AK5: variants seen among roughly 807,000 people sequenced by gnomAD.
The protein encoded by AK5 is adenylate kinase isoenzyme 5.
In AK5, 27 loss-of-function variants were observed where a neutral mutation model predicts 69.5. The observed-to-expected ratio is 0.39, with a 90% CI of 0.29 to 0.54. The LOEUF (loss-of-function observed/expected upper bound fraction) is 0.54. Ranked by LOEUF, AK5 falls within the 20% of genes least tolerant of loss-of-function variation. The pLI, the probability that AK5 is intolerant of heterozygous loss-of-function variation, is 0.71. For synonymous variants in AK5, 260 were observed against 244.4 expected (o/e 1.06, Z -0.60); for missense variants, 531 against 700.4 (o/e 0.76, Z 2.73).
intron 12 of AK5, among the ~76,000 whole-genome samples, chr1:77,531,314 C>A (rs1658567444): frequency 6.6e-6 from 1 of 152,174 alleles, no homozygotes; most frequent in Admixed American, 6.5e-5. Context: ...GGACGGGGAC[C>A]CCAGCGGGTT....
At position 77,382,636 on chromosome 1, in the gene AK5, C is replaced by T. The variant is rs997151336; in HGVS notation, c.892-28345C>T. Among the ~76,000 whole-genome samples, 26 of 152,190 alleles carry T rather than the reference C, an allele frequency of 1.7e-4. 1 individual carries two copies. Among genetic ancestry groups the T allele is most frequent in the African/African-American group, 6.0e-4 (25 of 41,448 alleles). On this transcript the variant is annotated intron_variant, in intron 6 of 13. Transcript: ENST00000354567. Reference sequence around the variant, plus strand: ...AAGTGTTGATATTACAGGCATAAGCCAGTGCGCCCAGCCTAGAACACATTT... The same window carrying T: ...AAGTGTTGATATTACAGGCATAAGCTAGTGCGCCCAGCCTAGAACACATTT...
chr1:77,448,272 C>G (rs1317042257), intron 8 of AK5, among the ~76,000 whole-genome samples: 1 of 152,212 alleles, frequency 6.6e-6, no homozygotes, highest in African/African-American at 2.4e-5. Flanking sequence ...CAGGCCCATC[C>G]ATGGCTTCCC....
rs1190930013 is a variant in AK5, at chr1:77,483,319, T to A, written c.1062T>A (p.Gly354=). The A allele has an allele frequency of 1.2e-6, 2 of 1,610,266 alleles. No individual in the cohort carries two copies. The highest frequency in any genetic ancestry group is 1.7e-6 in the Non-Finnish European group (2 of 1,176,548). ...TAATATTGTGATTTTTTTAACAGGGTGATGACCAGTTAAATGTATTTGGAG... is the reference window on the plus strand; with the variant it reads ...TAATATTGTGATTTTTTTAACAGGGAGATGACCAGTTAAATGTATTTGGAG... The part of the protein sequence containing the change: ...IDTGSDYEDQ[G]DDQLNVFGED... Residue 354 remains glycine, a splice_region_variant and synonymous_variant, in exon 9 of 14, where the codon GGT becomes GGA. Transcript: ENST00000354567.
At chr1:77,506,627 G>A (rs372562388) in intron 10 of AK5, among the ~76,000 whole-genome samples, 1 of 152,146 alleles carries the variant, frequency 6.6e-6, no homozygotes, top group South Asian at 2.1e-4. Flanking sequence ...GCTATGGTGG[G>A]TGTTGGCTGA....
intron 5 of AK5, among the ~76,000 whole-genome samples, chr1:77,324,152 T>C (rs1487719478): frequency 6.6e-6 from 1 of 152,154 alleles, no homozygotes; most frequent in Non-Finnish European, 1.5e-5. Flanking sequence ...AATGAGAAAG[T>C]AGGGTGAAGA....
At chr1:77,516,445 G>C (rs1657648978) in intron 10 of AK5, among the ~76,000 whole-genome samples, 1 of 152,004 alleles carries the variant, frequency 6.6e-6, no homozygotes, top group Non-Finnish European at 1.5e-5. Flanking sequence ...AAAAGATTAT[G>C]TGAGGTGGAG....
chr1:77,435,374 G>T (rs1342235058), intron 8 of AK5, among the ~76,000 whole-genome samples: 2 of 152,174 alleles, frequency 1.3e-5, no homozygotes, highest in Non-Finnish European at 2.9e-5. Flanking sequence ...CAGAGGCTGG[G>T]CATGGTGGCT....
chr1:77,383,750 G>A (rs191117968), intron 6 of AK5, among the ~76,000 whole-genome samples: 150 of 152,164 alleles, frequency 9.9e-4, no homozygotes, highest in African/African-American at 3.2e-3. Flanking sequence ...ATGAAATATA[G>A]AGATATGTTA....
chr1:77,556,419 T>G (rs1192347973), intron 13 of AK5, among the ~76,000 whole-genome samples: 1 of 152,268 alleles, frequency 6.6e-6, no homozygotes, highest in African/African-American at 2.4e-5. Flanking sequence ...TGAGACTGGC[T>G]TGTGTCTCTC....
chr1:77,519,374 A>G (rs1283820479), intron 11 of AK5, among the ~76,000 whole-genome samples: 3 of 152,100 alleles, frequency 2.0e-5, no homozygotes, highest in Admixed American at 6.5e-5. Flanking sequence ...AATGGTCCTC[A>G]TGAAAGGAAA....
At chr1:77,456,407 T>C (rs1441725057) in intron 8 of AK5, among the ~76,000 whole-genome samples, 1 of 152,230 alleles carries the variant, frequency 6.6e-6, no homozygotes, top group Non-Finnish European at 1.5e-5. Context: ...TACAGATGTC[T>C]CCGAAGGTTA....
intron 12 of AK5, among the ~76,000 whole-genome samples, chr1:77,526,676 C>T (rs6603952): frequency 0.61 from 92,497 of 150,686 alleles, 31,229 homozygotes; most frequent in Non-Finnish European, 0.75. Context: ...GGGGTTTCAC[C>T]GTGTTAGCCA....
intron 11 of AK5, among the ~76,000 whole-genome samples, chr1:77,519,396 C>T (rs1057502319): frequency 9.2e-5 from 14 of 152,172 alleles, no homozygotes; most frequent in African/African-American, 3.1e-4. Context: ...CAGACCATTA[C>T]AGCTGCCACT....
chr1:77,285,336 G>A (rs1187958291), intron 1 of AK5, among the ~76,000 whole-genome samples: 1 of 151,864 alleles, frequency 6.6e-6, no homozygotes, highest in African/African-American at 2.4e-5. Flanking sequence ...TGAATTGGAT[G>A]CCCGGGTAAT....
Position 77,330,502 on chromosome 1 carries a change from T to C in AK5, c.700-9875T>C, listed in dbSNP as rs571067031. Among the ~76,000 whole-genome samples, 9 of 152,296 alleles carry C rather than the reference T, an allele frequency of 5.9e-5. 1 individual carries two copies. In the South Asian group the frequency reaches 1.9e-3, roughly 32 times the overall value. ...GTACCATTTGTTGAAAAGACTGTCC[T>C]TTTCCCTACTGCATTGCAGAGCCAC... is the stretch of plus-strand genomic sequence containing the variant. On this transcript the variant is annotated intron_variant, in intron 5 of 13. Transcript: ENST00000354567.
chr1:77,314,984 A>T (rs1438303093), intron 5 of AK5: 3 of 152,168 alleles, frequency 2.0e-5, no homozygotes, highest in African/African-American at 4.8e-5. Flanking sequence ...AAACACAAAG[A>T]TGAATGAATA....
intron 10 of AK5, among the ~76,000 whole-genome samples, chr1:77,505,611 A>G (rs917709621): frequency 6.6e-6 from 1 of 152,220 alleles, no homozygotes; most frequent in Non-Finnish European, 1.5e-5. Flanking sequence ...GCACACCTGT[A>G]ATCCCGGCAC....
At chr1:77,341,503 A>G (rs1370688409) in intron 6 of AK5, among the ~76,000 whole-genome samples, 1 of 152,194 alleles carries the variant, frequency 6.6e-6, no homozygotes, top group Non-Finnish European at 1.5e-5. Context: ...ATGCATGCCC[A>G]TCCCAATAAA....
At position 77,297,591 on chromosome 1, in the gene AK5, T is replaced by C. The variant is rs550443382; in HGVS notation, c.448T>C (p.Leu150=). 1.9e-6 allele frequency: 3 copies of C among 1,611,680 alleles called. No individual in the cohort carries two copies. The highest frequency in any genetic ancestry group is 1.1e-5 in the South Asian group (1 of 90,308). ...AGGAAGTGGAAAGGGTACTCAGAGT[T>C]TGAAAATTGCAGAACGATATGGATT... ...GPGSGKGTQS[L]KIAERYGFQY... The change falls in exon 4 of 14, where the codon TTG becomes CTG. Residue 150 remains leucine (L), a synonymous_variant. Transcript: ENST00000354567.
Sources: gnomAD v4.1 joint callset for allele counts (sites outside exome capture counted in the v4.1 genomes callset) on GRCh38, gnomAD v4.1.1 for gene constraint, MANE v1.5 for transcripts, NCBI Gene and HGNC (gene_info 2026-07-23, HGNC 2026-07-21) for gene names.